KCNIP4: variants seen among roughly 807,000 people sequenced by gnomAD.
KCNIP4 encodes the protein Kv channel-interacting protein 4.
Under a neutral mutation model 34.0 loss-of-function variants are expected in KCNIP4, and 12 were observed. The observed-to-expected ratio is 0.35, with a 90% CI of 0.23 to 0.57. The LOEUF (loss-of-function observed/expected upper bound fraction) is 0.57, where lower values mean the gene tolerates loss of function less well. KCNIP4 is among the 20% of genes least tolerant of loss of function. The probability of loss-of-function intolerance (pLI) is 0.83; values close to 1 mark genes in which losing one functional copy is unlikely to be tolerated. For synonymous variants in KCNIP4, 124 were observed against 102.2 expected (o/e 1.21, Z -1.29); for missense variants, 238 against 311.7 (o/e 0.76, Z 1.78).
At chr4:21,732,014 A>G (rs1393499793) in intron 1 of KCNIP4, among the ~76,000 whole-genome samples, 1 of 150,918 alleles carries the variant, frequency 6.6e-6, no homozygotes, top group Non-Finnish European at 1.5e-5. Flanking sequence ...CACATAAATT[A>G]CATATATATA....
chr4:21,620,772 G>C (rs907127298), intron 1 of KCNIP4, among the ~76,000 whole-genome samples: 1 of 152,100 alleles, frequency 6.6e-6, no homozygotes, highest in Non-Finnish European at 1.5e-5. Flanking sequence ...TACTTTTCTT[G>C]CTCTAGTTTT....
chr4:21,255,411 C>T (rs1212006525), intron 1 of KCNIP4, among the ~76,000 whole-genome samples: 1 of 152,100 alleles, frequency 6.6e-6, no homozygotes, highest in Non-Finnish European at 1.5e-5. Context: ...CCCCTCTCCT[C>T]CCAATGCTGC....
chr4:21,489,703 T>C (rs899576014), intron 1 of KCNIP4, among the ~76,000 whole-genome samples: 15 of 152,144 alleles, frequency 9.9e-5, no homozygotes, highest in African/African-American at 1.9e-4. Flanking sequence ...GCTTTAGTGA[T>C]ACAAAGGACT....
At chr4:21,723,248 A>G (rs977865500) in intron 1 of KCNIP4, among the ~76,000 whole-genome samples, 1 of 152,136 alleles carries the variant, frequency 6.6e-6, no homozygotes, top group African/African-American at 2.4e-5. Flanking sequence ...TGCTGCTAAA[A>G]TTCATATATT....
intron 1 of KCNIP4, among the ~76,000 whole-genome samples, chr4:21,112,653 G>T (rs1328798923): frequency 6.6e-6 from 1 of 152,194 alleles, no homozygotes; most frequent in Non-Finnish European, 1.5e-5. Context: ...TTGAATCAGG[G>T]CCACCTGGCT....
chr4:20,858,358 G>T (rs1721839967), intron 2 of KCNIP4, among the ~76,000 whole-genome samples: 1 of 151,826 alleles, frequency 6.6e-6, no homozygotes, highest in Middle Eastern at 3.4e-3. Flanking sequence ...AATTGTGAGA[G>T]AATAAATTCC....
At chr4:21,707,012 T>C (rs1311529070) in intron 1 of KCNIP4, among the ~76,000 whole-genome samples, 1 of 152,174 alleles carries the variant, frequency 6.6e-6, no homozygotes, top group Admixed American at 6.6e-5. Context: ...GTAAAGAGCC[T>C]GCCATGACAC....
At chr4:20,994,561 C>T (rs1375474010) in intron 1 of KCNIP4, among the ~76,000 whole-genome samples, 1 of 152,122 alleles carries the variant, frequency 6.6e-6, no homozygotes, top group Admixed American at 6.6e-5. Flanking sequence ...AATGATCAGA[C>T]CGAGGGACAC....
intron 1 of KCNIP4, among the ~76,000 whole-genome samples, chr4:21,740,593 A>T (rs2109127579): frequency 6.6e-6 from 1 of 152,306 alleles, no homozygotes; most frequent in Non-Finnish European, 1.5e-5. Flanking sequence ...ATAGCATTTC[A>T]AATCTGACAG....
intron 5 of KCNIP4, among the ~76,000 whole-genome samples, chr4:20,737,854 G>A (rs1282916918): frequency 1.3e-5 from 2 of 152,256 alleles, no homozygotes; most frequent in African/African-American, 4.8e-5. Flanking sequence ...CCAGCAGGCT[G>A]GGGATCATGG....
intron 1 of KCNIP4, among the ~76,000 whole-genome samples, chr4:21,828,924 T>C (rs1722823141): frequency 6.6e-6 from 1 of 151,886 alleles, no homozygotes; most frequent in Non-Finnish European, 1.5e-5. Flanking sequence ...TGGTGATAAA[T>C]ACATGGCTTA....
chr4:21,277,073 G>T (rs1436566926), intron 1 of KCNIP4, among the ~76,000 whole-genome samples: 1 of 152,148 alleles, frequency 6.6e-6, no homozygotes, highest in Non-Finnish European at 1.5e-5. Context: ...TATACATATA[G>T]TTAAGCAACT....
intron 3 of KCNIP4, among the ~76,000 whole-genome samples, chr4:20,804,296 T>C (rs1714784146): frequency 6.6e-6 from 1 of 152,214 alleles, no homozygotes; most frequent in Admixed American, 6.5e-5. Context: ...AATTTCTTGT[T>C]AGCACTCTCT....
At chr4:21,834,481 G>A (rs1723193968) in intron 1 of KCNIP4, among the ~76,000 whole-genome samples, 1 of 152,146 alleles carries the variant, frequency 6.6e-6, no homozygotes, top group East Asian at 1.9e-4. Context: ...ATCAGCTTAA[G>A]GAGATTTTGG....
At chr4:21,325,691 G>T (rs971058801) in intron 1 of KCNIP4, among the ~76,000 whole-genome samples, 1 of 151,672 alleles carries the variant, frequency 6.6e-6, no homozygotes, top group Non-Finnish European at 1.5e-5. Context: ...TTGCTGGATT[G>T]TTTATTTGAA....
intron 3 of KCNIP4, among the ~76,000 whole-genome samples, chr4:20,825,516 T>C (rs573752460): frequency 6.6e-6 from 1 of 152,198 alleles, no homozygotes; most frequent in Non-Finnish European, 1.5e-5. Flanking sequence ...AGGTAGAGGA[T>C]CATGAGCCCC....
intron 1 of KCNIP4, among the ~76,000 whole-genome samples, chr4:21,542,963 C>G (rs1304856275): frequency 1.3e-5 from 2 of 151,870 alleles, no homozygotes; most frequent in Non-Finnish European, 2.9e-5. Flanking sequence ...TCAATGAATA[C>G]TGTCAATTCA....
At chr4:21,456,947 A>C (rs1008243097) in intron 1 of KCNIP4, among the ~76,000 whole-genome samples, 11 of 152,158 alleles carry the variant, frequency 7.2e-5, no homozygotes, top group African/African-American at 2.6e-4. Flanking sequence ...GCTCCAGGCT[A>C]TCTTGAGCTG....
intron 1 of KCNIP4, among the ~76,000 whole-genome samples, chr4:21,476,430 T>C (rs1730981666): frequency 6.6e-6 from 1 of 152,116 alleles, no homozygotes; most frequent in African/African-American, 2.4e-5. Flanking sequence ...CATAATCTCA[T>C]AGAACTTTGG....
Sources: gnomAD v4.1 joint callset for allele counts (sites outside exome capture counted in the v4.1 genomes callset) on GRCh38, gnomAD v4.1.1 for gene constraint, MANE v1.5 for transcripts, NCBI Gene and HGNC (gene_info 2026-07-23, HGNC 2026-07-21) for gene names.